Variants in DNAH14 observed in about 807,000 individuals in gnomAD.
The protein encoded by DNAH14 is axonemal beta dynein heavy chain 14.
In DNAH14, 478 loss-of-function variants were observed where a neutral mutation model predicts 520.9. That is an observed-to-expected ratio of 0.92 (90% CI 0.85 to 0.99). The LOEUF (loss-of-function observed/expected upper bound fraction) is 0.99, where lower values mean the gene tolerates loss of function less well. DNAH14 is among the 50% of genes least tolerant of loss of function. DNAH14 has a pLI of 0.00. For missense variants in DNAH14, 4,831 were observed against 5,234.5 expected, an observed-to-expected ratio of 0.92 and a Z score of 2.38; for synonymous variants, 1,581 against 1,757.2, an observed-to-expected ratio of 0.90 and a Z score of 2.51.
chr1:225,258,483 T>C (rs1438159597), intron 45 of DNAH14, among the ~76,000 whole-genome samples: 2 of 152,188 alleles, frequency 1.3e-5, no homozygotes, highest in Non-Finnish European at 2.9e-5. Flanking sequence ...AATATTAAGA[T>C]TTTTCTATCT....
chr1:224,964,288 A>C (rs919173845), intron 4 of DNAH14, among the ~76,000 whole-genome samples, 191 bp from the exon 5 acceptor site: 6 of 152,146 alleles, frequency 3.9e-5, no homozygotes, highest in Non-Finnish European at 8.8e-5. Flanking sequence ...AAATTCATAA[A>C]TATTATTCCC....
intron 10 of DNAH14, among the ~76,000 whole-genome samples, chr1:225,011,520 A>T (rs2064739562): frequency 6.6e-6 from 1 of 152,030 alleles, no homozygotes; most frequent in East Asian, 1.9e-4. Flanking sequence ...TGATCTGTTG[A>T]CAGTGAGGTG....
At chr1:225,030,083 A>G (rs2066418988) in intron 11 of DNAH14, among the ~76,000 whole-genome samples, 1 of 152,046 alleles carries the variant, frequency 6.6e-6, no homozygotes, top group Non-Finnish European at 1.5e-5. Context: ...TTAGAAATCA[A>G]TAACAGAAGA....
intron 66 of DNAH14, among the ~76,000 whole-genome samples, chr1:225,335,834 TATATGTACATACAC>T (rs1408659640): frequency 3.5e-5 from 3 of 84,510 alleles, no homozygotes; most frequent in Non-Finnish European, 2.3e-5. Flanking sequence ...CATATGTACA[TATATGTACATACAC>T]ATATGTACAT....
intron 41 of DNAH14, among the ~76,000 whole-genome samples, chr1:225,207,919 T>C (rs1001743650): frequency 6.6e-6 from 1 of 152,188 alleles, no homozygotes; most frequent in African/African-American, 2.4e-5. Context: ...ACTTTCCCCA[T>C]CAACTCAACT....
intron 54 of DNAH14, among the ~76,000 whole-genome samples, chr1:225,277,895 AC>A (rs1291942704): frequency 2.6e-5 from 4 of 152,294 alleles, no homozygotes; most frequent in African/African-American, 9.6e-5. Context: ...TCCCCAATAT[AC>A]TTTGAATAGA....
chr1:225,165,809 T>C (rs2081989237), intron 35 of DNAH14, among the ~76,000 whole-genome samples: 1 of 152,080 alleles, frequency 6.6e-6, no homozygotes, highest in Non-Finnish European at 1.5e-5. Flanking sequence ...GATCTCGAAC[T>C]CCTGGGCTCA....
intron 26 of DNAH14, among the ~76,000 whole-genome samples, chr1:225,120,445 A>T (rs1240249527): frequency 6.6e-6 from 1 of 152,238 alleles, no homozygotes; most frequent in Non-Finnish European, 1.5e-5. Flanking sequence ...CGTAATTTCT[A>T]ATCTTGTAGA....
At chr1:224,947,073 A>T (rs1486234052) in intron 1 of DNAH14, among the ~76,000 whole-genome samples, 1 of 151,740 alleles carries the variant, frequency 6.6e-6, no homozygotes, top group African/African-American at 2.4e-5. Context: ...ATGCACCACC[A>T]CGCTCGGCTA....
rs532750022 is a variant in DNAH14, at chr1:224,983,071, T to C, written c.830+8918T>C. On this transcript the variant is annotated intron_variant, in intron 8 of 85. Transcript: ENST00000682510. Reference sequence around the variant, plus strand: ...GGAGTATTGAAGTCCCCCACTATTATTGTGTTGCTGTCTATCTCATTTCTT... The same window carrying C: ...GGAGTATTGAAGTCCCCCACTATTACTGTGTTGCTGTCTATCTCATTTCTT... Among the ~76,000 whole-genome samples, 30 of 152,348 alleles carry C rather than the reference T, an allele frequency of 2.0e-4. No homozygotes were observed. In the South Asian group the frequency reaches 5.0e-3, roughly 25 times the overall value.
intron 55 of DNAH14, among the ~76,000 whole-genome samples, chr1:225,297,864 TC>T (rs2094045742): frequency 6.6e-6 from 1 of 152,190 alleles, no homozygotes; most frequent in East Asian, 1.9e-4. Context: ...TGGTTGTGTG[TC>T]TGCCAGAGTT....
At chr1:224,972,183 C>A (rs561850693) in intron 7 of DNAH14, among the ~76,000 whole-genome samples, 33 of 152,042 alleles carry the variant, frequency 2.2e-4, no homozygotes, top group African/African-American at 7.0e-4. Flanking sequence ...GATTCATTTT[C>A]TTTATTCAAG....
chr1:225,242,860 C>T (rs190510083), intron 43 of DNAH14, among the ~76,000 whole-genome samples: 3 of 152,210 alleles, frequency 2.0e-5, no homozygotes, highest in Non-Finnish European at 2.9e-5. Context: ...TACGATGTTA[C>T]GATGACTATG....
At chr1:225,149,936 T>C (rs540496211) in intron 31 of DNAH14, among the ~76,000 whole-genome samples, 1 of 152,282 alleles carries the variant, frequency 6.6e-6, no homozygotes, top group East Asian at 1.9e-4. Flanking sequence ...TCCAAGACTA[T>C]GTTGAATAGG....
intron 17 of DNAH14, among the ~76,000 whole-genome samples, chr1:225,073,551 G>C (rs2071811577): frequency 6.6e-6 from 1 of 152,218 alleles, no homozygotes; most frequent in Non-Finnish European, 1.5e-5. Flanking sequence ...GCTATCCAGA[G>C]CCCAGAGGAT....
chr1:225,395,458 G>A (rs1221248580), intron 84 of DNAH14, among the ~76,000 whole-genome samples: 4 of 151,872 alleles, frequency 2.6e-5, no homozygotes, highest in Non-Finnish European at 4.4e-5. Flanking sequence ...CGGGCGTAGT[G>A]GCGGGCGCCT....
intron 1 of DNAH14, among the ~76,000 whole-genome samples, chr1:224,932,491 C>G (rs1420798642): frequency 2.0e-5 from 3 of 151,946 alleles, no homozygotes; most frequent in Non-Finnish European, 4.4e-5. Flanking sequence ...TTTTTATTGC[C>G]TGTGCTTTTG....
At chr1:225,272,197 G>A (rs1478628079) in intron 51 of DNAH14, 124 bp downstream of exon 51, 5 of 931,532 alleles carry the variant, frequency 5.4e-6, no homozygotes, top group Non-Finnish European at 7.9e-6. Flanking sequence ...TTTGCTATTA[G>A]CAGCTTATCT....
intron 27 of DNAH14, among the ~76,000 whole-genome samples, chr1:225,132,355 C>A (rs2078508512): frequency 6.6e-6 from 1 of 152,034 alleles, no homozygotes. Flanking sequence ...CTGATGCTTT[C>A]CCTCCCTCTG....
Sources: allele counts gnomAD v4.1 joint callset (sites outside exome capture counted in the v4.1 genomes callset), GRCh38; gene constraint gnomAD v4.1.1; transcripts MANE v1.5; gene names NCBI Gene and HGNC (gene_info 2026-07-23, HGNC 2026-07-21).